The following MLLT6 variants were observed in gnomAD, a reference collection of about 807,000 sequenced individuals.
MLLT6 encodes the protein protein AF-17.
MLLT6 carries 22 observed loss-of-function variants against 103.0 expected under a neutral mutation model. The ratio of observed to expected loss-of-function variants is 0.21; its 90% CI spans 0.15 to 0.31. The LOEUF (loss-of-function observed/expected upper bound fraction) is 0.31. Among genes scored for constraint, MLLT6 ranks in the 10% least tolerant of loss-of-function variants. MLLT6 has a pLI of 1.00. For missense variants in MLLT6, 1,199 were observed against 1,441.7 expected (o/e 0.83, Z 2.73); for synonymous variants, 606 against 623.5 (o/e 0.97, Z 0.42).
At position 38,724,273 on chromosome 17, in the gene MLLT6, G is replaced by GAA. The variant is rs1268994474; in HGVS notation, c.2884-344_2884-343dup. The GAA allele has an allele frequency of 6.0e-5, 16 of 268,596 alleles. No individual in the cohort carries two copies. The East Asian group carries it at 8.7e-4, about 15-fold the overall frequency. The allele number at this position is 268,596 out of a possible 1,614,324, so 16.6% of individuals were successfully genotyped here. Reference sequence around the variant, plus strand: ...TCCGTCTCACAAAAAGAAAAGAAAAGAAAAGAAAACTATTGACCTAGTTTA... The same window carrying GAA: ...TCCGTCTCACAAAAAGAAAAGAAAAGAAAAAAGAAAACTATTGACCTAGTTTA... On this transcript the variant is annotated intron_variant, in intron 18 of 19. Transcript: ENST00000621332. The surrounding 1 kb of genome is among the most constrained non-coding windows in gnomAD (Gnocchi z 5.4).
In MLLT6 at chr17:38,722,684, A is replaced by G. The variant is rs1905827694; in HGVS notation, c.2799A>G (p.Thr933=). The G allele has an allele frequency of 9.9e-7, 1 of 1,011,054 alleles. No homozygotes were observed. The allele number at this position is 1,011,054 out of a possible 1,614,324, so 62.6% of individuals were successfully genotyped here. ...CCCCCCACCCCCACCTCAGCCTTAC[A>G]GAGCAGCAGAGACATCTCCTTCAGC... The part of the protein sequence containing the change: ...LQLPGCLNSL[T]EQQRHLLQQQ... The change falls in exon 18 of 20, where the codon ACA becomes ACG. Residue 933 remains threonine (T), a synonymous_variant. Coordinates refer to ENST00000621332, the MANE Select transcript of MLLT6 (RefSeq NM_005937.4).
chr17:38,707,995 G>C (rs1353280038), intron 4 of MLLT6, 123 bp downstream of exon 4: 16 of 687,724 alleles, frequency 2.3e-5, no homozygotes, highest in Non-Finnish European at 3.9e-5. Flanking sequence ...TTGGGAGGTG[G>C]GTAGGTACCT....
intron 8 of MLLT6, chr17:38,715,402 C>G: frequency 1.5e-6 from 1 of 685,956 alleles, no homozygotes; most frequent in South Asian, 2.9e-5. Flanking sequence ...GTGAATTCCC[C>G]TCTGCCTTAC....
intron 4 of MLLT6, chr17:38,708,341 G>A (rs1905018343): frequency 6.3e-6 from 1 of 157,850 alleles, no homozygotes; most frequent in African/African-American, 2.4e-5. Flanking sequence ...ATAAAGACCT[G>A]GTGGGGGCTT....
intron 12 of MLLT6, 81 bp downstream of exon 12, chr17:38,718,034 G>A: frequency 1.0e-6 from 1 of 1,002,430 alleles, no homozygotes; most frequent in Non-Finnish European, 1.5e-6. Context: ...CAGAAAGAAT[G>A]GGAGAGCTTT....
At chr17:38,708,826 C>CG (rs1387444884) in intron 4 of MLLT6, among the ~76,000 whole-genome samples, 2 of 152,082 alleles carry the variant, frequency 1.3e-5, no homozygotes, top group Non-Finnish European at 2.9e-5. Flanking sequence ...ACCCAGGAGG[C>CG]GGAGGAGGTT....
chr17:38,719,370 C>T, intron 12 of MLLT6, 147 bp from the exon 13 acceptor site: 3 of 738,382 alleles, frequency 4.1e-6, no homozygotes, highest in Non-Finnish European at 6.8e-6. Flanking sequence ...GGGCCCTCAG[C>T]GCTGGCCTTG....
intron 19 of MLLT6, chr17:38,725,317 C>T: frequency 3.6e-6 from 2 of 549,818 alleles, no homozygotes; most frequent in East Asian, 3.2e-5. Flanking sequence ...CCCTCTCCCT[C>T]TCCTGAGGGC....
chr17:38,705,886 C>T, intron 1 of MLLT6, 145 bp downstream of exon 1: 1 of 301,376 alleles, frequency 3.3e-6, no homozygotes, highest in Non-Finnish European at 6.0e-6. Context: ...GGGGGAGCTC[C>T]CCCCGCCCGG....
rs148283488 is a variant in MLLT6, at chr17:38,709,015, G to A, written c.355-158G>A. On this transcript the variant is annotated intron_variant, in intron 4 of 19. Coordinates refer to ENST00000621332, the MANE Select transcript of MLLT6 (RefSeq NM_005937.4). The surrounding 1 kb of genome is among the most constrained non-coding windows in gnomAD (Gnocchi z 4.3). The stretch of plus-strand genomic sequence containing the variant: ...GTGACTGGTGGCATTTGTCTTGGAC[G>A]GCGCAGACCATAGAGCGTTTTCATC... The A allele has an allele frequency of 8.9e-5, 56 of 627,564 alleles. No individual in the cohort carries two copies. The highest frequency in any genetic ancestry group is 8.9e-4 in the African/African-American group (49 of 54,982). The allele number at this position is 627,564 out of a possible 1,614,324, so 38.9% of individuals were successfully genotyped here.
chr17:38,717,581 CCCT>C lies in MLLT6; in HGVS notation c.1806_1808del (p.Ser604del), dbSNP rs1756613006. 6 of 1,613,956 alleles carry C rather than the reference CCCT, an allele frequency of 3.7e-6. No individual in the cohort carries two copies. Among genetic ancestry groups the C allele is most frequent in the Non-Finnish European group, 5.1e-6 (6 of 1,179,928 alleles). ...CCGCTCCCCGTTCACCAGCACCCTC[CCCT>C]CCTCTTCTGCTTCTATCTCCACCAC... On this transcript the variant is annotated inframe_deletion, in exon 11 of 20. Coordinates refer to ENST00000621332, the MANE Select transcript of MLLT6 (RefSeq NM_005937.4).
At position 38,727,071 on chromosome 17, in the gene MLLT6, G is replaced by A; in HGVS notation, c.*1473G>A. 4.3e-6 allele frequency: 1 copy of A among 233,308 alleles called. No individual in the cohort carries two copies. The allele number at this position is 233,308 out of a possible 1,614,324, so 14.5% of individuals were successfully genotyped here. A position where few individuals can be genotyped will look rare whatever the true frequency, so the allele number is the denominator to read the frequency against. On this transcript the variant is annotated 3_prime_UTR_variant, in exon 20 of 20. Coordinates refer to ENST00000621332, the MANE Select transcript of MLLT6 (RefSeq NM_005937.4). ...TCCAGCTTCCCCAGGCTCCGGCCTT[G>A]TCAGTCTCTTTGCATGTGTGGATTT...
intron 4 of MLLT6, chr17:38,708,325 A>G (rs1276025659): frequency 6.3e-6 from 1 of 159,112 alleles, no homozygotes; most frequent in Non-Finnish European, 1.4e-5. Context: ...AAAATAAGAC[A>G]CTAAAATAAA....
In MLLT6 at chr17:38,716,223, A is replaced by C; in HGVS notation, c.1037-144A>C. ...TGGAGGGGTCGGGGGTACTCATCCC[A>C]GGACACAGACAGTGGCAGAGCTGAG... is the stretch of plus-strand genomic sequence containing the variant. On this transcript the variant is annotated intron_variant, in intron 9 of 19. Coordinates refer to ENST00000621332, the MANE Select transcript of MLLT6 (RefSeq NM_005937.4). The surrounding 1 kb of genome is among the most constrained non-coding windows in gnomAD (Gnocchi z 5.6). The C allele has an allele frequency of 1.2e-6, 1 of 861,544 alleles. No individual in the cohort carries two copies. The highest frequency in any genetic ancestry group is 1.8e-6 in the Non-Finnish European group (1 of 566,518). The allele number at this position is 861,544 out of a possible 1,614,324, so 53.4% of individuals were successfully genotyped here.
intron 8 of MLLT6, chr17:38,713,589 G>C (rs1243745231): frequency 6.5e-6 from 1 of 152,884 alleles, no homozygotes; most frequent in Non-Finnish European, 1.5e-5. Flanking sequence ...GGGTGATGTT[G>C]CTGTGGCAAC....
intron 8 of MLLT6, chr17:38,714,806 C>T (rs553223444): frequency 6.6e-6 from 1 of 152,408 alleles, no homozygotes; most frequent in Admixed American, 6.5e-5. Context: ...AGGCTCATAC[C>T]TTGCTCTGCC....
rs114321163 is a variant in MLLT6, at chr17:38,709,587, C to T, written c.552+12C>T. 9.0e-4 allele frequency: 1,452 copies of T among 1,604,750 alleles called. 11 individuals are homozygous for T. The African/African-American group carries it at 0.015, about 17-fold the overall frequency. ...ACTTCAGCAAGATGGTGAGTCCTGG[C>T]GACCAGCGCATGAGCGGGTCAGTCA... On this transcript the variant is annotated intron_variant, in intron 6 of 19. Coordinates refer to ENST00000621332, the MANE Select transcript of MLLT6 (RefSeq NM_005937.4). This position sits in a 1 kb window ranked among gnomAD's most constrained non-coding sequence, Gnocchi z 4.3.
At chr17:38,722,376 C>G in intron 17 of MLLT6, 149 bp downstream of exon 17, 1 of 645,792 alleles carries the variant, frequency 1.5e-6, no homozygotes, top group Non-Finnish European at 2.5e-6. Flanking sequence ...CTCTTGGCCT[C>G]TAAGGACTCC....
Position 38,724,619 on chromosome 17 carries a change from G to A in MLLT6, c.2884-1G>A. ...CAACAAGCGGTCTGGCCCCCTTGCA[G>A]GAACACCAGACTGTTGTCTACCAGA... On this transcript the variant is annotated splice_acceptor_variant, in intron 18 of 19. Coordinates refer to ENST00000621332, the MANE Select transcript of MLLT6 (RefSeq NM_005937.4). LOFTEE classifies it high-confidence loss of function. This position sits in a 1 kb window ranked among gnomAD's most constrained non-coding sequence, Gnocchi z 5.4. The A allele has an allele frequency of 6.3e-7, 1 of 1,581,036 alleles. No individual in the cohort carries two copies. Among genetic ancestry groups the A allele is most frequent in the Non-Finnish European group, 8.6e-7 (1 of 1,159,646 alleles).
Sources: gnomAD v4.1 joint callset for allele counts (sites outside exome capture counted in the v4.1 genomes callset) on GRCh38, gnomAD v4.1.1 for gene constraint, Gnocchi (gnomAD v3.1) non-coding constraint, MANE v1.5 for transcripts, NCBI Gene and HGNC (gene_info 2026-07-23, HGNC 2026-07-21) for gene names.